Variants in PNPLA7 observed in about 807,000 individuals in gnomAD.
PNPLA7 encodes patatin like domain 7, lysophospholipase.
PNPLA7 carries 153 observed loss-of-function variants against 161.7 expected under a neutral mutation model. That is an observed-to-expected ratio of 0.95 (90% CI 0.83 to 1.08). The LOEUF is 1.08. PNPLA7 is among the 50% of genes least tolerant of loss of function. The pLI is 0.00. For synonymous variants in PNPLA7, 809 were observed against 782.1 expected, an observed-to-expected ratio of 1.03 and a Z score of -0.57; for missense variants, 1,739 against 1,856.6, an observed-to-expected ratio of 0.94 and a Z score of 1.16.
At chr9:137,536,546 T>C (rs1835901200) in intron 8 of PNPLA7, among the ~76,000 whole-genome samples, 1 of 152,160 alleles carries the variant, frequency 6.6e-6, no homozygotes, top group African/African-American at 2.4e-5. Context: ...AGGTCGTGAA[T>C]CTGTAACAGG....
rs761325576 is a variant in PNPLA7, at chr9:137,484,741, G to A, written c.2198-5C>T. The stretch of plus-strand genomic sequence containing the variant: ...TGGGGAGCCCAAGCTGGTGGCCTGT[G>A]GAGCAAAGGACCCACGTCAGCTGGG... On this transcript the variant is annotated splice_polypyrimidine_tract_variant and splice_region_variant and intron_variant, in intron 20 of 34. Coordinates refer to ENST00000406427, the MANE Select transcript of PNPLA7 (RefSeq NM_001098537.3). 42 of 1,604,372 alleles carry A rather than the reference G, an allele frequency of 2.6e-5. No individual in the cohort carries two copies. Among genetic ancestry groups the A allele is most frequent in the Middle Eastern group, 1.7e-4 (1 of 6,028 alleles).
chr9:137,549,293 C>T (rs149869759), intron 1 of PNPLA7, among the ~76,000 whole-genome samples: 1 of 152,052 alleles, frequency 6.6e-6, no homozygotes, highest in East Asian at 1.9e-4. Flanking sequence ...CTAGGCCGGG[C>T]ACGGTGGCTC....
At chr9:137,506,301 C>T (rs1833919661) in intron 12 of PNPLA7, among the ~76,000 whole-genome samples, 1 of 152,212 alleles carries the variant, frequency 6.6e-6, no homozygotes, top group Non-Finnish European at 1.5e-5. Flanking sequence ...CAGCTTAAAC[C>T]CACACGGTGC....
At chr9:137,482,732 C>T (rs1327336193) in intron 21 of PNPLA7, among the ~76,000 whole-genome samples, 4 of 152,272 alleles carry the variant, frequency 2.6e-5, no homozygotes, top group East Asian at 3.8e-4. Context: ...CTACAGATGG[C>T]GTAAACGCCA....
At chr9:137,484,499 T>G in intron 21 of PNPLA7, 88 bp downstream of exon 21, 4 of 1,405,610 alleles carry the variant, frequency 2.8e-6, no homozygotes, top group Non-Finnish European at 3.8e-6. Flanking sequence ...CACCGCCGCG[T>G]CCCCTCGAAG....
At chr9:137,479,841 A>G in intron 23 of PNPLA7, 1 of 985,452 alleles carries the variant, frequency 1.0e-6, no homozygotes, top group Non-Finnish European at 1.2e-6. Flanking sequence ...AGCGTCCCGA[A>G]GGTGCCTGCA....
intron 9 of PNPLA7, 80 bp from the exon 10 acceptor site, chr9:137,521,796 G>A: frequency 1.6e-6 from 2 of 1,281,314 alleles, no homozygotes; most frequent in South Asian, 1.3e-5. Context: ...ACAGAGCACT[G>A]AGAACCGTGC....
chr9:137,495,242 CAT>C (rs1564310350), intron 18 of PNPLA7, 96 bp from the exon 19 acceptor site: 10 of 780,538 alleles, frequency 1.3e-5, no homozygotes, highest in East Asian at 5.2e-5. Flanking sequence ...CAGAGCCACA[CAT>C]GACACCCCAT....
chr9:137,523,335 G>A lies in PNPLA7; in HGVS notation c.748-478C>T, dbSNP rs1049615149. Among the ~76,000 whole-genome samples, 3 of 152,052 alleles carry A rather than the reference G, an allele frequency of 2.0e-5. No individual in the cohort carries two copies. The highest frequency in any genetic ancestry group is 3.4e-3 in the Middle Eastern group (1 of 294). On this transcript the variant is annotated intron_variant, in intron 8 of 34. Transcript: ENST00000406427. The surrounding 1 kb of genome is among the most constrained non-coding windows in gnomAD (Gnocchi z 4.4). ...TGCCCACCGCCACAGTGGGGTCACC[G>A]CCTAGGACAGGGAGCGCGCACTGCC...
Position 137,476,999 on chromosome 9 carries a change from G to A in PNPLA7, c.2882+1035C>T, listed in dbSNP as rs771078573. 7.2e-5 allele frequency among the ~76,000 whole-genome samples: 11 copies of A among 152,344 alleles called. No homozygotes were observed. Among genetic ancestry groups the A allele is most frequent in the South Asian group, 2.1e-4 (1 of 4,830 alleles). ...TCCTCGAGGCCCTGGGGCCACCTCC[G>A]AGCTTTTCCCGGGGTAGCAGTGCTG... On this transcript the variant is annotated intron_variant, in intron 25 of 34. Transcript: ENST00000406427. This position sits in a 1 kb window ranked among gnomAD's most constrained non-coding sequence, Gnocchi z 4.5.
chr9:137,549,652 G>A (rs1232539199), intron 1 of PNPLA7, among the ~76,000 whole-genome samples: 7 of 151,614 alleles, frequency 4.6e-5, no homozygotes, highest in South Asian at 2.1e-4. Flanking sequence ...AAAATTAGCC[G>A]GGCGTGGTGC....
chr9:137,514,375 G>A (rs1344077311), intron 12 of PNPLA7, among the ~76,000 whole-genome samples: 1 of 141,088 alleles, frequency 7.1e-6, no homozygotes, highest in East Asian at 2.1e-4. Flanking sequence ...ATGTTGAGGT[G>A]CCTGGGCCCT....
At chr9:137,497,995 T>C (rs1564313593) in intron 17 of PNPLA7, 119 bp downstream of exon 17, 2 of 1,465,726 alleles carry the variant, frequency 1.4e-6, no homozygotes, top group Middle Eastern at 2.0e-4. Flanking sequence ...CAGCCTTCCA[T>C]GTGTGGTTTC....
intron 9 of PNPLA7, among the ~76,000 whole-genome samples, chr9:137,522,288 A>G (rs957475587): frequency 1.1e-4 from 17 of 149,842 alleles, no homozygotes; most frequent in African/African-American, 2.0e-4. Flanking sequence ...GTGAGCCAGG[A>G]TGGTCTCGAT....
At chr9:137,495,466 C>T (rs1266953613) in intron 18 of PNPLA7, among the ~76,000 whole-genome samples, 8 of 151,474 alleles carry the variant, frequency 5.3e-5, no homozygotes, top group Non-Finnish European at 7.4e-5. Context: ...TTCTTGGAGA[C>T]GGAGTCTCAT....
Position 137,543,341 on chromosome 9 carries a change from AC to A in PNPLA7, c.506+90del. ...ATGCGCTTTGCCAACCATTCCCCCA[AC>A]ACAAGACGGCCAAGCTGGAGCCAGG... On this transcript the variant is annotated intron_variant, in intron 6 of 34. Transcript: ENST00000406427. This position sits in a 1 kb window ranked among gnomAD's most constrained non-coding sequence, Gnocchi z 6.9. 2 of 1,542,822 alleles carry A rather than the reference AC, an allele frequency of 1.3e-6. No individual in the cohort carries two copies. The highest frequency in any genetic ancestry group is 1.8e-6 in the Non-Finnish European group (2 of 1,124,250).
chr9:137,497,046 G>A (rs1213876196), intron 18 of PNPLA7, 141 bp downstream of exon 18: 19 of 1,143,456 alleles, frequency 1.7e-5, no homozygotes, highest in African/African-American at 1.3e-4. Context: ...ACAGCAAAGC[G>A]GCTGCGGGGC....
intron 9 of PNPLA7, among the ~76,000 whole-genome samples, chr9:137,522,215 C>T (rs1835040218): frequency 1.3e-5 from 2 of 152,242 alleles, no homozygotes; most frequent in South Asian, 4.1e-4. Context: ...GCTGGGACTA[C>T]AGGCGCCCGC....
intron 25 of PNPLA7, among the ~76,000 whole-genome samples, chr9:137,474,317 C>T (rs879323046): frequency 1.2e-4 from 18 of 152,108 alleles, no homozygotes; most frequent in Non-Finnish European, 1.8e-4. Flanking sequence ...AACTGTGCAT[C>T]GACAGGAAGG....
Sources: gnomAD v4.1 joint callset for allele counts (sites outside exome capture counted in the v4.1 genomes callset) on GRCh38, gnomAD v4.1.1 for gene constraint, Gnocchi (gnomAD v3.1) non-coding constraint, MANE v1.5 for transcripts, NCBI Gene and HGNC (gene_info 2026-07-23, HGNC 2026-07-21) for gene names.